SAMD3: variants seen among roughly 807,000 people sequenced by gnomAD.
The protein encoded by SAMD3 is sterile alpha motif domain-containing protein 3.
A neutral mutation model predicts 58.5 loss-of-function variants in SAMD3; 63 were observed. The observed-to-expected ratio is 1.08, with a 90% confidence interval of 0.88 to 1.33. The LOEUF is 1.33. SAMD3 is among the 40% of genes most tolerant of loss of function. The pLI, the probability that SAMD3 is intolerant of heterozygous loss-of-function variation, is 0.00. For synonymous variants in SAMD3, 220 were observed against 210.3 expected (o/e 1.05, Z -0.40); for missense variants, 604 against 608.4 (o/e 0.99, Z 0.08).
At chr6:130,153,091 CGTG>C (rs1196283286) in intron 9 of SAMD3, among the ~76,000 whole-genome samples, 1 of 152,202 alleles carries the variant, frequency 6.6e-6, no homozygotes. Flanking sequence ...CTGTGTCACA[CGTG>C]GTGCTCTGCT....
intron 1 of SAMD3, among the ~76,000 whole-genome samples, chr6:130,356,363 C>T (rs1777827445): frequency 6.6e-6 from 1 of 152,210 alleles, no homozygotes; most frequent in South Asian, 2.1e-4. Context: ...ATCTGTAAAG[C>T]TTCTGCCTTA....
chr6:130,148,022 C>G (rs1387532702), intron 9 of SAMD3, among the ~76,000 whole-genome samples: 1 of 152,108 alleles, frequency 6.6e-6, no homozygotes, highest in African/African-American at 2.4e-5. Context: ...CAGGTTTTTC[C>G]ACGTAAAATT....
At chr6:130,340,527 C>G (rs1177540976) in intron 1 of SAMD3, among the ~76,000 whole-genome samples, 3 of 152,170 alleles carry the variant, frequency 2.0e-5, no homozygotes, top group Non-Finnish European at 4.4e-5. Flanking sequence ...TTCCCCATTG[C>G]TATACAACAT....
chr6:130,320,033 A>G (rs1776533736), intron 1 of SAMD3, among the ~76,000 whole-genome samples: 1 of 151,992 alleles, frequency 6.6e-6, no homozygotes, highest in African/African-American at 2.4e-5. Context: ...AACACATTAA[A>G]AAATTGTGGA....
At chr6:130,190,214 G>A (rs368433482) in intron 5 of SAMD3, among the ~76,000 whole-genome samples, 8 of 151,992 alleles carry the variant, frequency 5.3e-5, no homozygotes, top group East Asian at 1.9e-4. Flanking sequence ...CCAATTTTGC[G>A]GTTTCCTAGA....
At chr6:130,335,646 C>T (rs1052691606) in intron 1 of SAMD3, among the ~76,000 whole-genome samples, 24 of 152,332 alleles carry the variant, frequency 1.6e-4, no homozygotes, top group African/African-American at 4.8e-4. Context: ...CCATTTGACC[C>T]AGCCATCCCA....
At chr6:130,307,526 T>C (rs1172494646) in intron 2 of SAMD3, among the ~76,000 whole-genome samples, 1 of 152,220 alleles carries the variant, frequency 6.6e-6, no homozygotes, top group Non-Finnish European at 1.5e-5. Flanking sequence ...AATATTGATT[T>C]AAGAAACTTA....
At chr6:130,356,642 G>A (rs1777837974) in intron 1 of SAMD3, among the ~76,000 whole-genome samples, 2 of 152,210 alleles carry the variant, frequency 1.3e-5, no homozygotes, top group South Asian at 4.1e-4. Context: ...ACAAATAGTT[G>A]TTATCACAAG....
At chr6:130,304,917 A>ACC (rs1562510508) in intron 2 of SAMD3, among the ~76,000 whole-genome samples, 2 of 126,434 alleles carry the variant, frequency 1.6e-5, no homozygotes, top group African/African-American at 5.7e-5. Flanking sequence ...CTAAAATTAC[A>ACC]TTTTCTTCCT....
At chr6:130,249,643 A>C (rs191016816) in intron 2 of SAMD3, among the ~76,000 whole-genome samples, 9 of 152,310 alleles carry the variant, frequency 5.9e-5, no homozygotes, top group Admixed American at 5.2e-4. Flanking sequence ...CAATATGATA[A>C]GCTCAAAAGA....
At chr6:130,240,769 C>G (rs12526676) in intron 2 of SAMD3, among the ~76,000 whole-genome samples, 21,175 of 152,122 alleles carry the variant, frequency 0.14, 1,718 homozygotes, top group East Asian at 0.36. Context: ...CTCCCTTGCC[C>G]TTCCACCATG....
intron 5 of SAMD3, among the ~76,000 whole-genome samples, chr6:130,206,131 C>T (rs1156641504): frequency 6.6e-6 from 1 of 152,208 alleles, no homozygotes; most frequent in Non-Finnish European, 1.5e-5. Context: ...ATACTTCACC[C>T]TGTCTTTATG....
chr6:130,167,470 G>C (rs955769081), intron 8 of SAMD3, among the ~76,000 whole-genome samples: 4 of 152,226 alleles, frequency 2.6e-5, no homozygotes, highest in South Asian at 4.1e-4. Flanking sequence ...AAATACTACT[G>C]TATAAAGTAC....
At chr6:130,333,882 C>G (rs1777019890) in intron 1 of SAMD3, among the ~76,000 whole-genome samples, 1 of 152,230 alleles carries the variant, frequency 6.6e-6, no homozygotes, top group Admixed American at 6.5e-5. Context: ...AGGCTGCAGA[C>G]TCTGGGCTTG....
At chr6:130,214,212 C>A in intron 4 of SAMD3, 125 bp downstream of exon 4, 2 of 703,724 alleles carry the variant, frequency 2.8e-6, no homozygotes, top group Admixed American at 3.0e-5. Flanking sequence ...ATTAGAAATA[C>A]CGTACATACA....
chr6:130,145,901 AACTC>A (rs1477992106), intron 10 of SAMD3, 105 bp downstream of exon 10: 3 of 470,172 alleles, frequency 6.4e-6, no homozygotes, highest in Non-Finnish European at 1.0e-5. Context: ...ATATTTTTAA[AACTC>A]AATAAATGTA....
At chr6:130,316,825 T>A (rs571340321) in intron 1 of SAMD3, among the ~76,000 whole-genome samples, 25 of 152,318 alleles carry the variant, frequency 1.6e-4, no homozygotes, top group Admixed American at 6.5e-4. Context: ...ATAGGTCAGA[T>A]TTTGATGCCA....
intron 1 of SAMD3, among the ~76,000 whole-genome samples, chr6:130,360,121 T>A (rs1478294406): frequency 6.6e-6 from 1 of 152,240 alleles, no homozygotes; most frequent in Non-Finnish European, 1.5e-5. Flanking sequence ...TGCAGCTTAT[T>A]TCCTTATATA....
At chr6:130,183,566 A>G (rs1192282932) in intron 7 of SAMD3, 1 of 372,992 alleles carries the variant, frequency 2.7e-6, no homozygotes, top group Non-Finnish European at 5.2e-6. Flanking sequence ...CACATCTCCT[A>G]AAGACCCTTC....
Sources: allele counts gnomAD v4.1 joint callset (sites outside exome capture counted in the v4.1 genomes callset), GRCh38; gene constraint gnomAD v4.1.1; transcripts MANE v1.5; gene names NCBI Gene and HGNC (gene_info 2026-07-23, HGNC 2026-07-21).